CSMD2: variants seen among roughly 807,000 people sequenced by gnomAD.
CSMD2 encodes CUB and Sushi multiple domains 2, also known as CUB and sushi domain-containing protein 2.
Under a neutral mutation model 398.5 loss-of-function variants are expected in CSMD2, and 130 were observed. That is an observed-to-expected ratio of 0.33 (90% confidence interval 0.28 to 0.38). The LOEUF is 0.38. Ranked by LOEUF, CSMD2 falls within the 10% of genes least tolerant of loss-of-function variation. CSMD2 has a pLI of 1.00. For synonymous variants in CSMD2, 1,828 were observed against 1,908.5 expected (o/e 0.96, Z 1.10); for missense variants, 3,829 against 4,764.9 (o/e 0.80, Z 5.78).
rs770899003 is a variant in CSMD2 at position 33,577,460 on chromosome 1, G to A, written c.7412C>T (p.Ala2471Val). 1 of 1,612,940 alleles carries A rather than the reference G, an allele frequency of 6.2e-7. No homozygotes were observed. Among genetic ancestry groups the A allele is most frequent in the South Asian group, 1.1e-5 (1 of 90,930 alleles). ...GCCTAGGATGAAGCCATGGAGTGGA[G>A]CCCTGGGCAGGCTGCAGTAAGGGGC... ...YSAPYCSLPR[A>V]PLHGFILGQT... The change falls in exon 49 of 71, where the codon GCT (alanine) becomes GTT (valine). Residue 2471 changes from alanine (A) to valine (V), a missense_variant. Physicochemically the swap from Ala to Val is moderately conservative, Grantham distance 64 (BLOSUM62 0). Transcript: ENST00000373381.
intron 23 of CSMD2, 106 bp from the exon 24 acceptor site, chr1:33,699,050 G>T: frequency 1.1e-6 from 1 of 920,582 alleles, no homozygotes; most frequent in Non-Finnish European, 1.6e-6. Context: ...TCTCAGCCAC[G>T]GACCCTGGGT....
In CSMD2 at chr1:34,160,913, G is replaced by C. The variant is rs1641268068; in HGVS notation, c.187+3998C>G. On this transcript the variant is annotated intron_variant, in intron 1 of 70. Transcript: ENST00000373381. ...GATGTAATTGGCACGGGAAAAATCAGAACTTTGTCAGAATTCCATCTACTT... is the reference window on the plus strand; with the variant it reads ...GATGTAATTGGCACGGGAAAAATCACAACTTTGTCAGAATTCCATCTACTT... 2.0e-5 allele frequency among the ~76,000 whole-genome samples: 3 copies of C among 152,142 alleles called. No homozygotes were observed. The South Asian group carries it at 6.2e-4, about 32-fold the overall frequency.
intron 2 of CSMD2, among the ~76,000 whole-genome samples, chr1:34,076,397 C>A (rs1179457551): frequency 1.3e-5 from 2 of 152,218 alleles, no homozygotes; most frequent in Non-Finnish European, 2.9e-5. Flanking sequence ...GCTTTACTGG[C>A]ATTTGGGGAC....
intron 24 of CSMD2, among the ~76,000 whole-genome samples, chr1:33,693,513 C>G (rs1374904477): frequency 6.6e-6 from 1 of 152,174 alleles, no homozygotes; most frequent in Admixed American, 6.5e-5. Context: ...AATGGTGCAG[C>G]TGCTTTCAAA....
intron 1 of CSMD2, among the ~76,000 whole-genome samples, chr1:34,154,786 G>A (rs1640654084): frequency 7.0e-6 from 1 of 143,494 alleles, no homozygotes; most frequent in South Asian, 2.2e-4. Flanking sequence ...GGAGTGCAGT[G>A]ATGCAATCTC....
chr1:34,024,238 A>T (rs952692637), intron 3 of CSMD2, among the ~76,000 whole-genome samples: 2 of 152,220 alleles, frequency 1.3e-5, no homozygotes, highest in African/African-American at 4.8e-5. Context: ...GCAGGTGTTC[A>T]GTAAATATTT....
chr1:33,902,441 A>G (rs147404917), intron 5 of CSMD2, among the ~76,000 whole-genome samples: 36 of 152,164 alleles, frequency 2.4e-4, no homozygotes, highest in African/African-American at 8.4e-4. Flanking sequence ...CTATCACATC[A>G]TGTTTCTCCT....
intron 1 of CSMD2, among the ~76,000 whole-genome samples, chr1:34,140,792 C>T (rs1455956935): frequency 6.6e-6 from 1 of 152,134 alleles, no homozygotes; most frequent in Non-Finnish European, 1.5e-5. Context: ...AGGTCCTAAG[C>T]AAAGATTTCA....
chr1:33,546,809 T>C (rs186765469), intron 56 of CSMD2, among the ~76,000 whole-genome samples: 40 of 152,306 alleles, frequency 2.6e-4, no homozygotes, highest in Middle Eastern at 3.4e-3. Context: ...TCCAAACTGC[T>C]TAGCATAGCT....
intron 1 of CSMD2, among the ~76,000 whole-genome samples, chr1:34,144,630 A>G (rs1278406500): frequency 6.6e-6 from 1 of 152,188 alleles, no homozygotes; most frequent in African/African-American, 2.4e-5. Context: ...ATGTCTTCCA[A>G]TCAGCGTTAT....
intron 13 of CSMD2, among the ~76,000 whole-genome samples, chr1:33,770,337 A>G (rs1651092035): frequency 2.0e-5 from 3 of 152,354 alleles, no homozygotes; most frequent in Admixed American, 6.5e-5. Flanking sequence ...AAGTCATCTC[A>G]GTGTACCAGG....
At chr1:33,768,300 G>A (rs1205812444) in intron 13 of CSMD2, among the ~76,000 whole-genome samples, 1 of 152,134 alleles carries the variant, frequency 6.6e-6, no homozygotes, top group Non-Finnish European at 1.5e-5. Context: ...ATTTGGCAAT[G>A]TCTAGAGATA....
chr1:33,601,053 T>C (rs932393067), intron 43 of CSMD2, 43 bp from the exon 44 acceptor site: 5 of 1,611,324 alleles, frequency 3.1e-6, no homozygotes, highest in Non-Finnish European at 4.2e-6. Flanking sequence ...CTAGTCACCA[T>C]GGCTGCCTGC....
chr1:34,107,863 T>C (rs555009783), intron 1 of CSMD2, among the ~76,000 whole-genome samples: 5 of 152,160 alleles, frequency 3.3e-5, no homozygotes, highest in East Asian at 1.9e-4. Context: ...CCTGAGCACA[T>C]TGAACTTCCC....
At chr1:33,821,231 C>T (rs947226667) in intron 7 of CSMD2, among the ~76,000 whole-genome samples, 3 of 152,218 alleles carry the variant, frequency 2.0e-5, no homozygotes, top group African/African-American at 7.2e-5. Context: ...AATGCTCTGA[C>T]ACTTGCCAGC....
chr1:33,954,805 G>A lies in CSMD2; in HGVS notation c.518-18851C>T, dbSNP rs1315265302. Reference sequence around the variant, plus strand: ...CAGAATAGAGGTTACCAGGGGCTGGGGGAGAGGGAAAAGAGGAGTTAGTAC... The same window carrying A: ...CAGAATAGAGGTTACCAGGGGCTGGAGGAGAGGGAAAAGAGGAGTTAGTAC... On this transcript the variant is annotated intron_variant, in intron 3 of 70. Transcript: ENST00000373381. Among the ~76,000 whole-genome samples the A allele has an allele frequency of 2.6e-5, 4 of 152,262 alleles. No individual in the cohort carries two copies. The South Asian group carries it at 8.3e-4, about 32-fold the overall frequency.
chr1:34,083,824 TG>T (rs1657543307), intron 2 of CSMD2, among the ~76,000 whole-genome samples: 1 of 152,012 alleles, frequency 6.6e-6, no homozygotes, highest in Non-Finnish European at 1.5e-5. Flanking sequence ...GGGGCTGAAG[TG>T]GGGGAAGTGC....
intron 6 of CSMD2, among the ~76,000 whole-genome samples, chr1:33,833,757 T>C (rs369722080): frequency 5.9e-5 from 9 of 151,998 alleles, no homozygotes; most frequent in Admixed American, 1.3e-4. Flanking sequence ...AAAACCCCAT[T>C]GTCTCAGCCC....
chr1:33,718,520 A>C (rs772835245), intron 19 of CSMD2, among the ~76,000 whole-genome samples: 7 of 152,210 alleles, frequency 4.6e-5, no homozygotes, highest in South Asian at 2.1e-4. Flanking sequence ...CCAGGACAGG[A>C]ACTCATGTTA....
Sources: allele counts gnomAD v4.1 joint callset (sites outside exome capture counted in the v4.1 genomes callset), GRCh38; gene constraint gnomAD v4.1.1; transcripts MANE v1.5; gene names NCBI Gene and HGNC (gene_info 2026-07-23, HGNC 2026-07-21).